The following PTGFRN variants were observed in gnomAD, a reference collection of about 807,000 sequenced individuals.
PTGFRN encodes prostaglandin F2 receptor negative regulator.
In PTGFRN, 35 loss-of-function variants were observed where a neutral mutation model predicts 83.2. That is an observed-to-expected ratio of 0.42 (90% CI 0.32 to 0.56). PTGFRN has a LOEUF of 0.56. PTGFRN is among the 20% of genes least tolerant of loss of function. The pLI is 0.11. For synonymous variants in PTGFRN, 519 were observed against 498.6 expected (o/e 1.04, Z -0.55); for missense variants, 1,051 against 1,179.5 (o/e 0.89, Z 1.60).
intron 5 of PTGFRN, among the ~76,000 whole-genome samples, chr1:116,964,881 C>T (rs566383034): frequency 6.6e-6 from 1 of 152,368 alleles, no homozygotes; most frequent in South Asian, 2.1e-4. Flanking sequence ...ATGGCGCCAC[C>T]CTTGCCTGGA....
rs754229955 is a variant in PTGFRN, at chr1:116,941,681, T to C, written c.50-34T>C. On this transcript the variant is annotated intron_variant, in intron 1 of 8. Coordinates refer to ENST00000393203, the MANE Select transcript of PTGFRN (RefSeq NM_020440.4). This position sits in a 1 kb window ranked among gnomAD's most constrained non-coding sequence, Gnocchi z 5.0. ...TTTGTCCTGGGAAGACTTTCTGTGA[T>C]TAAAGACCTGCCTTTCATCTTTTAT... 2 of 1,573,648 alleles carry C rather than the reference T, an allele frequency of 1.3e-6. No individual in the cohort carries two copies. The highest frequency in any genetic ancestry group is 2.4e-5 in the South Asian group (2 of 84,218).
At chr1:116,911,804 G>A (rs1463081357) in intron 1 of PTGFRN, among the ~76,000 whole-genome samples, 1 of 152,126 alleles carries the variant, frequency 6.6e-6, no homozygotes, top group East Asian at 1.9e-4. Context: ...CACCACACCC[G>A]GTGGTAGTGC....
rs765955484 is a variant in PTGFRN, at chr1:116,952,025, CGA to C, written c.1213+2459_1213+2460del. ...TGGAATGTTGTCACAGAAAAGTTTT[CGA>C]GAGAGTTGGTTTGCTACACAGGTAA... On this transcript the variant is annotated intron_variant, in intron 4 of 8. Transcript: ENST00000393203. This position sits in a 1 kb window ranked among gnomAD's most constrained non-coding sequence, Gnocchi z 4.0. Among the ~76,000 whole-genome samples, 11 of 152,142 alleles carry C rather than the reference CGA, an allele frequency of 7.2e-5. No homozygotes were observed. The highest frequency in any genetic ancestry group is 1.0e-4 in the Non-Finnish European group (7 of 68,038).
chr1:116,954,496 A>G (rs1164574713), intron 4 of PTGFRN, among the ~76,000 whole-genome samples: 1 of 152,240 alleles, frequency 6.6e-6, no homozygotes, highest in Non-Finnish European at 1.5e-5. Flanking sequence ...TGTTTCTTCT[A>G]ACTGGTGCAT....
intron 7 of PTGFRN, among the ~76,000 whole-genome samples, chr1:116,977,661 C>T (rs559537803): frequency 4.6e-5 from 7 of 152,298 alleles, no homozygotes; most frequent in African/African-American, 1.4e-4. Context: ...TAAAGATGTT[C>T]TTTGAAACCA....
At chr1:116,917,431 CA>C (rs1051012996) in intron 1 of PTGFRN, among the ~76,000 whole-genome samples, 6 of 151,980 alleles carry the variant, frequency 3.9e-5, no homozygotes, top group Non-Finnish European at 8.8e-5. Context: ...GAAGGTGGCA[CA>C]GGGGGGTTGG....
rs72699113 is a variant in PTGFRN, at chr1:116,923,945, C to G, written c.49+13693C>G. Among the ~76,000 whole-genome samples, 12 of 152,234 alleles carry G rather than the reference C, an allele frequency of 7.9e-5. No homozygotes were observed. The highest frequency in any genetic ancestry group is 1.5e-4 in the Non-Finnish European group (10 of 68,014). On this transcript the variant is annotated intron_variant, in intron 1 of 8. Transcript: ENST00000393203. The surrounding 1 kb of genome is among the most constrained non-coding windows in gnomAD (Gnocchi z 4.0). ...ACCAGTCTAAATGTGGAGGATGACA[C>G]ACACACAGGAAGAGAGGTGGCATGG...
chr1:116,965,677 ATCCACGCTTT>A (rs1650809071), intron 5 of PTGFRN, among the ~76,000 whole-genome samples: 1 of 152,076 alleles, frequency 6.6e-6, no homozygotes, highest in Non-Finnish European at 1.5e-5. Flanking sequence ...CCAAATACAA[ATCCACGCTTT>A]TTCTCTTCCT....
At chr1:116,977,312 A>G (rs1570678167) in intron 7 of PTGFRN, among the ~76,000 whole-genome samples, 1 of 152,198 alleles carries the variant, frequency 6.6e-6, no homozygotes, top group Non-Finnish European at 1.5e-5. Context: ...AGACAAATCC[A>G]TGAGACAGAA....
At chr1:116,980,684 A>C (rs905191844) in intron 7 of PTGFRN, among the ~76,000 whole-genome samples, 1 of 152,212 alleles carries the variant, frequency 6.6e-6, no homozygotes, top group African/African-American at 2.4e-5. Context: ...GAAGGGGAAC[A>C]TCACACACCA....
chr1:116,950,848 G>T (rs1650326795), intron 4 of PTGFRN, among the ~76,000 whole-genome samples: 1 of 152,140 alleles, frequency 6.6e-6, no homozygotes, highest in Non-Finnish European at 1.5e-5. Context: ...GGTTTATCTG[G>T]CAAGCTTTTT....
At chr1:116,966,318 A>G (rs576885648) in intron 5 of PTGFRN, among the ~76,000 whole-genome samples, 51 of 152,368 alleles carry the variant, frequency 3.3e-4, no homozygotes, top group Non-Finnish European at 4.3e-4. Flanking sequence ...AGCAAGTGGA[A>G]ATTATTAGAT....
In PTGFRN at chr1:116,949,309, T is replaced by A. The variant is rs1371760712; in HGVS notation, c.950T>A (p.Phe317Tyr). ...GTCCGGCCCGAGGTGACGTGGTCCTTCAGCAGGATGCCTGACAGCACCCTA... is the reference window on the plus strand; with the variant it reads ...GTCCGGCCCGAGGTGACGTGGTCCTACAGCAGGATGCCTGACAGCACCCTA... ...DDVRPEVTWS[F>Y]SRMPDSTLPG... Residue 317 changes from phenylalanine to tyrosine, a missense_variant, in exon 4 of 9, where the codon TTC becomes TAC. Physicochemically the swap from Phe to Tyr is conservative, Grantham distance 22. This residue lies in a region of PTGFRN where 719 missense variants were observed against 836.6 expected (regional missense o/e 0.86). Coordinates refer to ENST00000393203, the MANE Select transcript of PTGFRN (RefSeq NM_020440.4). The A allele has an allele frequency of 6.2e-7, 1 of 1,614,256 alleles. No homozygotes were observed. Among genetic ancestry groups the A allele is most frequent in the Admixed American group, 1.7e-5 (1 of 60,028 alleles).
intron 6 of PTGFRN, among the ~76,000 whole-genome samples, chr1:116,969,833 T>C (rs1255336286): frequency 6.6e-6 from 1 of 152,246 alleles, no homozygotes; most frequent in Non-Finnish European, 1.5e-5. Context: ...GTAAGTATTT[T>C]ATTCTTTTTG....
rs1650559911 is a variant in PTGFRN at position 116,958,544 on chromosome 1, A to G, written c.1214-2699A>G. ...GAAATGGGAACTGTGAATAATGATC[A>G]CAAATATATACACGTGTATGTGTAT... On this transcript the variant is annotated intron_variant, in intron 4 of 8. Transcript: ENST00000393203. This position sits in a 1 kb window ranked among gnomAD's most constrained non-coding sequence, Gnocchi z 4.9. Among the ~76,000 whole-genome samples, 1 of 152,192 alleles carries G rather than the reference A, an allele frequency of 6.6e-6. No individual in the cohort carries two copies. The highest frequency in any genetic ancestry group is 2.4e-5 in the African/African-American group (1 of 41,430).
In PTGFRN at chr1:116,987,384, C is replaced by CCGCGTTGGAGGCA. The variant is rs1482538840; in HGVS notation, c.*420_*432dup. On this transcript the variant is annotated 3_prime_UTR_variant, in exon 9 of 9. Coordinates refer to ENST00000393203, the MANE Select transcript of PTGFRN (RefSeq NM_020440.4). ...TGCCTGCCCGCCTGAGAGCCAGCTTCCGCGTTGGAGGCACGTGTTCAGAGA... is the reference window on the plus strand; with the variant it reads ...TGCCTGCCCGCCTGAGAGCCAGCTTCCGCGTTGGAGGCACGCGTTGGAGGCACGTGTTCAGAGA... The CCGCGTTGGAGGCA allele has an allele frequency of 6.9e-5, 14 of 202,524 alleles. No homozygotes were observed. The highest frequency in any genetic ancestry group is 9.1e-5 in the Non-Finnish European group (9 of 99,070). The allele number at this position is 202,524 out of a possible 1,614,324, so 12.5% of individuals were successfully genotyped here.
In PTGFRN at chr1:116,916,803, G is replaced by A. The variant is rs576898138; in HGVS notation, c.49+6551G>A. 7.2e-5 allele frequency among the ~76,000 whole-genome samples: 11 copies of A among 152,226 alleles called. No individual in the cohort carries two copies. In the East Asian group the frequency reaches 1.2e-3, roughly 16 times the overall value. ...TTTATTCAGCAAATATTGAGCAAGC[G>A]CCTACTATTACACGCCGGGCATTGT... On this transcript the variant is annotated intron_variant, in intron 1 of 8. Coordinates refer to ENST00000393203, the MANE Select transcript of PTGFRN (RefSeq NM_020440.4).
chr1:116,961,347 A>G lies in PTGFRN; in HGVS notation c.1318A>G (p.Asn440Asp). ...GGTGGACACGAAGAGTGGGGAGGCG[A>G]ATGTCCGATTCACGGTTTCGTGGTA... ...RVVDTKSGEA[N>D]VRFTVSWYYR... The change falls in exon 5 of 9, where the codon AAT becomes GAT. Residue 440 changes from asparagine to aspartate, a missense_variant. By Grantham distance (23) the Asn-to-Asp change is conservative (BLOSUM62 1). This residue lies in a region of PTGFRN where 719 missense variants were observed against 836.6 expected (regional missense o/e 0.86). Coordinates refer to ENST00000393203, the MANE Select transcript of PTGFRN (RefSeq NM_020440.4). This position sits in a 1 kb window ranked among gnomAD's most constrained non-coding sequence, Gnocchi z 5.4. 1 of 1,588,088 alleles carries G rather than the reference A, an allele frequency of 6.3e-7. No homozygotes were observed. The highest frequency in any genetic ancestry group is 1.7e-4 in the Middle Eastern group (1 of 5,942).
intron 1 of PTGFRN, among the ~76,000 whole-genome samples, chr1:116,921,652 C>T (rs547423843): frequency 3.3e-5 from 5 of 151,080 alleles, no homozygotes; most frequent in East Asian, 1.9e-4. Context: ...TTAGTACTTC[C>T]GCAGCATTAA....
Sources: allele counts gnomAD v4.1 joint callset (sites outside exome capture counted in the v4.1 genomes callset), GRCh38; gene constraint gnomAD v4.1.1; regional missense constraint gnomAD v4.1.1; non-coding constraint Gnocchi (gnomAD v3.1); transcripts MANE v1.5; gene names NCBI Gene and HGNC (gene_info 2026-07-23, HGNC 2026-07-21).